The following IL20RB variants were observed in gnomAD, a reference collection of about 807,000 sequenced individuals.
IL20RB encodes interleukin 20 receptor subunit beta, also known as interleukin-20 receptor subunit beta.
A neutral mutation model predicts 33.3 loss-of-function variants in IL20RB; 21 were observed. The observed-to-expected ratio is 0.63, with a 90% CI of 0.45 to 0.91. The LOEUF (loss-of-function observed/expected upper bound fraction) is 0.91, where lower values mean the gene tolerates loss of function less well. Ranked by LOEUF, IL20RB falls within the 40% of genes least tolerant of loss-of-function variation. IL20RB has a pLI of 0.00. For missense variants in IL20RB, 345 were observed against 384.8 expected (o/e 0.90, Z 0.86); for synonymous variants, 147 against 146.8 (o/e 1.00, Z -0.01).
At chr3:137,008,304 T>G (rs568012056) in intron 6 of IL20RB, among the ~76,000 whole-genome samples, 1 of 152,284 alleles carries the variant, frequency 6.6e-6, no homozygotes, top group East Asian at 1.9e-4. Flanking sequence ...GGAAAGAACT[T>G]GCAGTGCAAT....
intron 6 of IL20RB, among the ~76,000 whole-genome samples, chr3:137,006,353 A>G (rs965098699): frequency 6.6e-5 from 10 of 152,182 alleles, no homozygotes; most frequent in African/African-American, 2.2e-4. Context: ...AATATCCTGC[A>G]GAGTGTTTTC....
chr3:137,008,307 A>G (rs1157493516), intron 6 of IL20RB, among the ~76,000 whole-genome samples: 1 of 152,198 alleles, frequency 6.6e-6, no homozygotes, highest in African/African-American at 2.4e-5. Context: ...AAGAACTTGC[A>G]GTGCAATGAA....
At chr3:136,986,772 G>A (rs1048058634) in intron 3 of IL20RB, 6 of 456,298 alleles carry the variant, frequency 1.3e-5, no homozygotes, top group Admixed American at 4.7e-5. Context: ...GAATGAAGCC[G>A]CAGACCCTCG....
chr3:136,974,111 T>G (rs1941559490), intron 1 of IL20RB, among the ~76,000 whole-genome samples: 1 of 152,194 alleles, frequency 6.6e-6, no homozygotes, highest in Admixed American at 6.5e-5. Context: ...TTTTTTTCTG[T>G]TTGTTTTACA....
intron 1 of IL20RB, among the ~76,000 whole-genome samples, chr3:136,975,170 T>C (rs999565404): frequency 1.3e-5 from 2 of 152,134 alleles, no homozygotes; most frequent in African/African-American, 4.8e-5. Flanking sequence ...AGATGTCATA[T>C]GTCCTTGCCT....
chr3:136,960,138 C>CTTTTTTT (rs10540948), intron 1 of IL20RB, among the ~76,000 whole-genome samples: 2 of 36,154 alleles, frequency 5.5e-5, no homozygotes, highest in African/African-American at 1.1e-4. Context: ...AGAGTTGTGG[C>CTTTTTTT]TTTTTTTTTT....
chr3:136,995,271 G>A, intron 5 of IL20RB, 143 bp from the exon 6 acceptor site: 1 of 930,918 alleles, frequency 1.1e-6, no homozygotes, highest in Non-Finnish European at 1.6e-6. Context: ...TGGTCACTAG[G>A]GCACACATCA....
intron 6 of IL20RB, among the ~76,000 whole-genome samples, chr3:136,999,270 A>C (rs970411803): frequency 6.6e-6 from 1 of 151,736 alleles, no homozygotes; most frequent in African/African-American, 2.4e-5. Context: ...CTAATTTTTA[A>C]ATTTTATGTA....
chr3:136,997,091 C>T (rs1023968818), intron 6 of IL20RB, among the ~76,000 whole-genome samples: 8 of 150,952 alleles, frequency 5.3e-5, no homozygotes, highest in Non-Finnish European at 7.4e-5. Context: ...ATCTGTTTTT[C>T]TCTCTCTCTC....
chr3:137,001,938 T>G (rs914277787), intron 6 of IL20RB, among the ~76,000 whole-genome samples: 3 of 152,064 alleles, frequency 2.0e-5, no homozygotes, highest in African/African-American at 7.2e-5. Flanking sequence ...GTCCACCTCC[T>G]GACAGGCCCC....
chr3:137,003,498 C>T (rs1249290426), intron 6 of IL20RB, among the ~76,000 whole-genome samples: 2 of 152,034 alleles, frequency 1.3e-5, no homozygotes, highest in South Asian at 2.1e-4. Context: ...CCCTTGTAAG[C>T]TGGATTCCTA....
intron 6 of IL20RB, among the ~76,000 whole-genome samples, chr3:137,008,407 C>G (rs896402365): frequency 6.6e-6 from 1 of 152,160 alleles, no homozygotes; most frequent in Non-Finnish European, 1.5e-5. Flanking sequence ...GAAGTGTGAG[C>G]CAGTGCTGCC....
chr3:136,983,008 T>C (rs1361387563), intron 3 of IL20RB, among the ~76,000 whole-genome samples: 3 of 151,772 alleles, frequency 2.0e-5, no homozygotes, highest in Non-Finnish European at 4.4e-5. Flanking sequence ...CAGTTGATCA[T>C]GTGGTGAAGG....
chr3:136,962,476 A>G (rs1941247454), intron 1 of IL20RB, among the ~76,000 whole-genome samples: 1 of 152,206 alleles, frequency 6.6e-6, no homozygotes, highest in Non-Finnish European at 1.5e-5. Context: ...AAGGTCGGCC[A>G]GGCGTGGTGG....
chr3:136,985,616 T>A (rs992227159), intron 3 of IL20RB, among the ~76,000 whole-genome samples: 4 of 152,088 alleles, frequency 2.6e-5, no homozygotes, highest in Non-Finnish European at 4.4e-5. Context: ...GGATTACAGG[T>A]GTGAGCCGCT....
intron 3 of IL20RB, among the ~76,000 whole-genome samples, chr3:136,983,082 C>T (rs567350031): frequency 3.9e-5 from 6 of 151,976 alleles, no homozygotes; most frequent in Admixed American, 2.0e-4. Flanking sequence ...AGGATCTAGA[C>T]CAGGTCTATC....
intron 6 of IL20RB, among the ~76,000 whole-genome samples, chr3:136,996,076 C>A (rs1942121265): frequency 6.6e-6 from 1 of 152,114 alleles, no homozygotes; most frequent in Non-Finnish European, 1.5e-5. Flanking sequence ...GCAACCTGGA[C>A]CTTGATAGTG....
rs187116521 is a variant in IL20RB, at chr3:136,970,191, C to T, written c.89-10275C>T. Reference sequence around the variant, plus strand: ...CACTGCGGTCTCAACCTCCTGGATTCAGGTGACCTTCCACCTTAGCCTCTG... The same window carrying T: ...CACTGCGGTCTCAACCTCCTGGATTTAGGTGACCTTCCACCTTAGCCTCTG... On this transcript the variant is annotated intron_variant, in intron 1 of 6. Transcript: ENST00000329582. Among the ~76,000 whole-genome samples, 352 of 152,022 alleles carry T rather than the reference C, an allele frequency of 2.3e-3. 1 individual carries two copies. The highest frequency in any genetic ancestry group is 7.3e-3 in the African/African-American group (304 of 41,458).
intron 6 of IL20RB, among the ~76,000 whole-genome samples, chr3:137,006,597 G>A (rs542161882): frequency 1.3e-5 from 2 of 151,904 alleles, no homozygotes; most frequent in African/African-American, 2.4e-5. Flanking sequence ...TGAAGTTCTC[G>A]TGCCATGGTT....
Sources: gnomAD v4.1 joint callset for allele counts (sites outside exome capture counted in the v4.1 genomes callset) on GRCh38, gnomAD v4.1.1 for gene constraint, MANE v1.5 for transcripts, NCBI Gene and HGNC (gene_info 2026-07-23, HGNC 2026-07-21) for gene names.